HMCES: variants seen among roughly 807,000 people sequenced by gnomAD.
HMCES encodes the protein abasic site processing protein HMCES.
In HMCES, 27 loss-of-function variants were observed where a neutral mutation model predicts 35.1. That is an observed-to-expected ratio of 0.77 (90% confidence interval 0.57 to 1.06). The LOEUF is 1.06. Among genes scored for constraint, HMCES ranks in the 50% least tolerant of loss-of-function variants. The pLI is 0.00. For missense variants in HMCES, 391 were observed against 430.4 expected (o/e 0.91, Z 0.81); for synonymous variants, 130 against 154.7 (o/e 0.84, Z 1.18).
chr3:129,288,324 T>C (rs1427154801), intron 2 of HMCES, among the ~76,000 whole-genome samples: 1 of 152,086 alleles, frequency 6.6e-6, no homozygotes. Flanking sequence ...CCCTCTACCT[T>C]ATTCAAGCAG....
At chr3:129,298,783 TA>T (rs1230939754) in intron 5 of HMCES, among the ~76,000 whole-genome samples, 1 of 151,996 alleles carries the variant, frequency 6.6e-6, no homozygotes, top group East Asian at 1.9e-4. Context: ...AGTGACACAT[TA>T]AAAAAATAAT....
In HMCES at chr3:129,302,089, T is replaced by G; in HGVS notation, c.775T>G (p.Ser259Ala). The G allele has an allele frequency of 6.2e-7, 1 of 1,614,136 alleles. No homozygotes were observed. The highest frequency in any genetic ancestry group is 8.5e-7 in the Non-Finnish European group (1 of 1,180,016). The change falls in exon 6 of 7, where the codon TCG (serine) becomes GCG (alanine). Residue 259 changes from serine (S) to alanine (A), a missense_variant. Physicochemically the swap from Ser to Ala is moderately conservative, Grantham distance 99. Transcript: ENST00000383463. ...FHAVSSVVNNSRNNTPECLAP... is the reference protein window; with the variant it reads ...FHAVSSVVNNARNNTPECLAP... ...TGCAGTCTCTTCTGTGGTGAACAAC[T>G]CGCGAAACAACACTCCTGAGTGTCT...
intron 2 of HMCES, among the ~76,000 whole-genome samples, chr3:129,281,842 AT>A (rs1342693283): frequency 1.3e-5 from 2 of 150,960 alleles, no homozygotes; most frequent in African/African-American, 2.4e-5. Context: ...TGTCTGTACT[AT>A]AAAAAAAAAA....
At chr3:129,301,385 C>T (rs2071167142) in intron 5 of HMCES, among the ~76,000 whole-genome samples, 2 of 151,662 alleles carry the variant, frequency 1.3e-5, no homozygotes, top group Non-Finnish European at 2.9e-5. Context: ...GACAAATGAA[C>T]ATTTGTCTGT....
chr3:129,290,671 T>C lies in HMCES; in HGVS notation c.328-8T>C. 1 of 1,612,190 alleles carries C rather than the reference T, an allele frequency of 6.2e-7. No homozygotes were observed. Among genetic ancestry groups the C allele is most frequent in the South Asian group, 1.1e-5 (1 of 90,982 alleles). ...CTAAGACCATATCTTGCTCACATTT[T>C]CCCTCAGGTGCCTCTGGGAAAGGGA... On this transcript the variant is annotated splice_polypyrimidine_tract_variant and splice_region_variant and intron_variant, in intron 3 of 6. Transcript: ENST00000383463.
At chr3:129,290,192 A>C (rs867840161) in intron 3 of HMCES, among the ~76,000 whole-genome samples, 1 of 144,898 alleles carries the variant, frequency 6.9e-6, no homozygotes, top group Admixed American at 6.9e-5. Flanking sequence ...CTCCGTCTCA[A>C]AAAAAAAAAA....
intron 2 of HMCES, among the ~76,000 whole-genome samples, chr3:129,286,607 A>G (rs1940644287): frequency 6.6e-6 from 1 of 152,216 alleles, no homozygotes; most frequent in Non-Finnish European, 1.5e-5. Context: ...ACATTTCATC[A>G]GCATTTTTTC....
intron 5 of HMCES, 121 bp from the exon 6 acceptor site, chr3:129,301,829 C>T (rs1018049853): frequency 2.4e-5 from 19 of 783,110 alleles, no homozygotes; most frequent in African/African-American, 1.0e-4. Flanking sequence ...GCATGTGAGG[C>T]GCAGAGGGAG....
At chr3:129,287,187 T>C (rs2107688295) in intron 2 of HMCES, among the ~76,000 whole-genome samples, 1 of 150,346 alleles carries the variant, frequency 6.7e-6, no homozygotes, top group East Asian at 1.9e-4. Flanking sequence ...ATATGTACAG[T>C]GTTTTTGTTT....
chr3:129,286,897 A>G (rs1050149600), intron 2 of HMCES, among the ~76,000 whole-genome samples: 3 of 152,180 alleles, frequency 2.0e-5, no homozygotes, highest in African/African-American at 4.8e-5. Context: ...GATTTCATCA[A>G]ATTATCAAGG....
intron 4 of HMCES, 132 bp from the exon 5 acceptor site, chr3:129,298,222 A>G: frequency 2.7e-6 from 2 of 743,846 alleles, no homozygotes; most frequent in Non-Finnish European, 4.5e-6. Context: ...TTGGTGACAG[A>G]GGGGTTAATA....
In HMCES at chr3:129,302,055, C is replaced by T; in HGVS notation, c.741C>T (p.Ile247=). The T allele has an allele frequency of 6.2e-7, 1 of 1,614,212 alleles. No homozygotes were observed. Among genetic ancestry groups the T allele is most frequent in the Non-Finnish European group, 8.5e-7 (1 of 1,180,034 alleles). ...ALKLIHPTEN[I]TFHAVSSVVN... The stretch of plus-strand genomic sequence containing the variant: ...AATTAATCCACCCAACAGAGAACAT[C>T]ACCTTCCATGCAGTCTCTTCTGTGG... Residue 247 remains isoleucine (I), a synonymous_variant, in exon 6 of 7, where the codon ATC becomes ATT. Transcript: ENST00000383463.
chr3:129,305,530 TGCC>T lies in HMCES; in HGVS notation c.*707_*709del, dbSNP rs2071223161. 1 of 152,138 alleles carries T rather than the reference TGCC, an allele frequency of 6.6e-6. No individual in the cohort carries two copies. Among genetic ancestry groups the T allele is most frequent in the South Asian group, 2.1e-4 (1 of 4,814 alleles). 9.4% of individuals were successfully genotyped at this position (152,138 alleles called of 1,614,324 possible). The stretch of plus-strand genomic sequence containing the variant: ...TCAAACCAGCCTGAGTTTGAGTGCT[TGCC>T]GTAGCAGAAACTATCCTTACCACAG... On this transcript the variant is annotated 3_prime_UTR_variant, in exon 7 of 7. Coordinates refer to ENST00000383463, the MANE Select transcript of HMCES (RefSeq NM_020187.3).
At chr3:129,299,801 G>A (rs919521225) in intron 5 of HMCES, among the ~76,000 whole-genome samples, 70 of 151,674 alleles carry the variant, frequency 4.6e-4, no homozygotes, top group Non-Finnish European at 8.4e-4. Flanking sequence ...ACAGGCACAC[G>A]CCGCCACGCC....
At position 129,288,963 on chromosome 3, in the gene HMCES, G is replaced by A. The variant is rs769720955; in HGVS notation, c.293G>A (p.Arg98His). 14 of 1,589,976 alleles carry A rather than the reference G, an allele frequency of 8.8e-6. No individual in the cohort carries two copies. Among genetic ancestry groups the A allele is most frequent in the East Asian group, 2.3e-5 (1 of 44,442 alleles). Residue 98 changes from arginine to histidine, a missense_variant, in exon 3 of 7, where the codon CGT becomes CAT. Coordinates refer to ENST00000383463, the MANE Select transcript of HMCES (RefSeq NM_020187.3). ...SKLQFNTTNCRSDTVMEKRSF... is the reference protein window; with the variant it reads ...SKLQFNTTNCHSDTVMEKRSF... ...CTGCAGTTCAATACTACCAACTGTC[G>A]TAGTGATACCGTAATGGAGAAACGG...
intron 2 of HMCES, among the ~76,000 whole-genome samples, chr3:129,287,479 C>A (rs1940669476): frequency 6.6e-6 from 1 of 151,808 alleles, no homozygotes. Context: ...CCATTAGAGA[C>A]TCAGGGTCCG....
At chr3:129,301,027 T>C (rs2071159235) in intron 5 of HMCES, among the ~76,000 whole-genome samples, 1 of 106,668 alleles carries the variant, frequency 9.4e-6, no homozygotes. Flanking sequence ...TGAGACTCCA[T>C]CTCAAAAAAA....
At chr3:129,300,166 TTATATATA>T (rs35145445) in intron 5 of HMCES, among the ~76,000 whole-genome samples, 9 of 141,176 alleles carry the variant, frequency 6.4e-5, no homozygotes, top group East Asian at 2.0e-4. Context: ...ATGTGCATCT[TTATATATA>T]TATATATATA....
At chr3:129,303,782 G>T (rs138958283) in intron 6 of HMCES, among the ~76,000 whole-genome samples, 63 of 150,236 alleles carry the variant, frequency 4.2e-4, no homozygotes, top group Non-Finnish European at 7.5e-4. Context: ...ATGCTCTGTT[G>T]CCCAGGTTAG....
Sources: gnomAD v4.1 joint callset for allele counts (sites outside exome capture counted in the v4.1 genomes callset) on GRCh38, gnomAD v4.1.1 for gene constraint, MANE v1.5 for transcripts, NCBI Gene and HGNC (gene_info 2026-07-23, HGNC 2026-07-21) for gene names.